PFN1: variants seen among roughly 807,000 people sequenced by gnomAD.
PFN1 encodes profilin-1.
A neutral mutation model predicts 11.7 loss-of-function variants in PFN1; 2 were observed. The ratio of observed to expected loss-of-function variants is 0.17; its 90% CI spans 0.07 to 0.54. The LOEUF (loss-of-function observed/expected upper bound fraction) is 0.54, where lower values mean the gene tolerates loss of function less well. Ranked by LOEUF, PFN1 falls within the 20% of genes least tolerant of loss-of-function variation. The pLI, the probability that PFN1 is intolerant of heterozygous loss-of-function variation, is 0.94. For missense variants in PFN1, 97 were observed against 188.4 expected (o/e 0.51, Z 2.84); for synonymous variants, 78 against 76.2 (o/e 1.02, Z -0.12).
At chr17:4,946,592 T>C in intron 2 of PFN1, 36 bp downstream of exon 2, 1 of 1,535,098 alleles carries the variant, frequency 6.5e-7, no homozygotes, top group Non-Finnish European at 8.8e-7. Context: ...ATTAGAGATC[T>C]TGGAGCTAAA....
At chr17:4,947,885 G>A (rs1230829335) in intron 1 of PFN1, among the ~76,000 whole-genome samples, 1 of 152,162 alleles carries the variant, frequency 6.6e-6, no homozygotes, top group Non-Finnish European at 1.5e-5. Flanking sequence ...ACGGGGAGCT[G>A]GGGGTCCAAG....
At position 4,945,992 on chromosome 17, in the gene PFN1, C is replaced by G; in HGVS notation, c.331G>C (p.Val111Leu). The stretch of plus-strand genomic sequence containing the variant: ...ACACCTTCTTTGCCCATCAGCAGGA[C>G]TAGCGCTGGAGGAGGAGGAAAGAGA... ...VTVTKTDKTL[V>L]LLMGKEGVHG... The change falls in exon 3 of 3, where the codon GTC (valine) becomes CTC (leucine). Residue 111 changes from valine to leucine, a missense_variant. Transcript: ENST00000225655. 2 of 1,610,992 alleles carry G rather than the reference C, an allele frequency of 1.2e-6. No individual in the cohort carries two copies. The highest frequency in any genetic ancestry group is 1.7e-6 in the Non-Finnish European group (2 of 1,177,272).
intron 1 of PFN1, 50 bp downstream of exon 1, chr17:4,948,213 T>G: frequency 9.9e-5 from 89 of 901,642 alleles, no homozygotes; most frequent in Non-Finnish European, 1.3e-4. Context: ...AGTCCCTCCC[T>G]CAGGGTCCAA....
chr17:4,947,921 A>C (rs931353445), intron 1 of PFN1, among the ~76,000 whole-genome samples: 6 of 152,258 alleles, frequency 3.9e-5, no homozygotes, highest in African/African-American at 1.4e-4. Context: ...TCTCAATCCC[A>C]ATCCCCAGTA....
intron 1 of PFN1, 136 bp from the exon 2 acceptor site, chr17:4,946,956 C>G: frequency 1.6e-6 from 1 of 624,638 alleles, no homozygotes; most frequent in Non-Finnish European, 2.7e-6. Flanking sequence ...ATACTCAGTA[C>G]ACATCAATGA....
At chr17:4,946,452 A>G (rs376591559) in intron 2 of PFN1, among the ~76,000 whole-genome samples, 176 bp downstream of exon 2, 7 of 152,238 alleles carry the variant, frequency 4.6e-5, no homozygotes, top group Non-Finnish European at 1.0e-4. Flanking sequence ...AAGATGAGGA[A>G]CTGAGACAGA....
chr17:4,948,016 C>T (rs1226876255), intron 1 of PFN1: 6 of 434,346 alleles, frequency 1.4e-5, no homozygotes, highest in Admixed American at 1.4e-4. Context: ...CCGCCCTGTG[C>T]CCCGGATGTA....
chr17:4,947,838 G>A (rs191391924), intron 1 of PFN1, among the ~76,000 whole-genome samples: 4 of 152,252 alleles, frequency 2.6e-5, no homozygotes, highest in South Asian at 2.1e-4. Flanking sequence ...TCCGCACCAG[G>A]AGAAACAATG....
At chr17:4,947,342 C>T (rs1452552274) in intron 1 of PFN1, 2 of 152,220 alleles carry the variant, frequency 1.3e-5, no homozygotes, top group Admixed American at 6.5e-5. Flanking sequence ...AGGAAGCAGA[C>T]CCCTGGGGGC....
Position 4,948,490 on chromosome 17 carries a change from G to T in PFN1, c.-96C>A, listed in dbSNP as rs771133577. 3.7e-6 allele frequency: 5 copies of T among 1,366,710 alleles called. No homozygotes were observed. The highest frequency in any genetic ancestry group is 4.8e-6 in the Non-Finnish European group (5 of 1,049,016). 84.7% of individuals were successfully genotyped at this position (1,366,710 alleles called of 1,614,324 possible). ...GCGGGCGGGGGGAGGCGGAGAGCTC[G>T]GGGCACGCGCTGCCGTCCGGACCGC... On this transcript the variant is annotated 5_prime_UTR_variant, in exon 1 of 3. Transcript: ENST00000225655.
chr17:4,946,020 G>A (rs776213636), intron 2 of PFN1, 23 bp from the exon 3 acceptor site: 5 of 1,550,232 alleles, frequency 3.2e-6, no homozygotes, highest in African/African-American at 2.7e-5. Context: ...GAAAGAGAAA[G>A]GAGGCTAGGA....
intron 2 of PFN1, among the ~76,000 whole-genome samples, chr17:4,946,212 G>A (rs1195371459): frequency 1.4e-5 from 2 of 147,082 alleles, no homozygotes; most frequent in Non-Finnish European, 3.0e-5. Flanking sequence ...GAGAGGAACA[G>A]ACTAAAAACT....
Position 4,945,955 on chromosome 17 carries a change from A to G in PFN1, c.368T>C (p.Leu123Ser). The G allele has an allele frequency of 6.2e-7, 1 of 1,613,760 alleles. No homozygotes were observed. Among genetic ancestry groups the G allele is most frequent in the African/African-American group, 1.3e-5 (1 of 75,004 alleles). The change falls in exon 3 of 3, where the codon TTG becomes TCG. Residue 123 changes from leucine to serine, a missense_variant. Transcript: ENST00000225655. ...LMGKEGVHGG[L>S]INKKCYEMAS... is the part of the protein sequence containing the mutation. ...CATTTCATAACATTTCTTGTTGATCAAACCACCGTGGACACCTTCTTTGCC... is the reference window on the plus strand; with the variant it reads ...CATTTCATAACATTTCTTGTTGATCGAACCACCGTGGACACCTTCTTTGCC...
intron 2 of PFN1, 21 bp downstream of exon 2, chr17:4,946,606 AG>A (rs370052999): frequency 6.4e-7 from 1 of 1,567,780 alleles, no homozygotes; most frequent in Non-Finnish European, 8.7e-7. Context: ...AGCTAAAGGA[AG>A]GGTAAGACTC....
In PFN1 at chr17:4,946,004, G is replaced by A. The variant is rs370983267; in HGVS notation, c.326-7C>T. The A allele has an allele frequency of 2.5e-5, 40 of 1,599,914 alleles. No individual in the cohort carries two copies. The highest frequency in any genetic ancestry group is 1.7e-4 in the Middle Eastern group (1 of 6,044). ...CCCATCAGCAGGACTAGCGCTGGAG[G>A]AGGAGGAAAGAGAAAGGAGGCTAGG... On this transcript the variant is annotated splice_region_variant and splice_polypyrimidine_tract_variant and intron_variant, in intron 2 of 2. Transcript: ENST00000225655.
At chr17:4,946,486 A>G (rs566416022) in intron 2 of PFN1, 142 bp downstream of exon 2, 15 of 644,922 alleles carry the variant, frequency 2.3e-5, no homozygotes, top group African/African-American at 1.6e-4. Context: ...CCCGTGTTCC[A>G]GCATCCAGCA....
chr17:4,946,118 GCCC>G (rs200446760), intron 2 of PFN1, 121 bp from the exon 3 acceptor site: 1 of 519,012 alleles, frequency 1.9e-6, no homozygotes, highest in East Asian at 3.4e-5. Flanking sequence ...CTCCCAACCC[GCCC>G]CCCCACCACA....
chr17:4,945,753 A>T lies in PFN1; in HGVS notation c.*147T>A. Reference sequence around the variant, plus strand: ...TATGGGTAGGGGGAGGTGTCTGTCCATCCAGCCCTGGCCCCCAGCCCATGT... The same window carrying T: ...TATGGGTAGGGGGAGGTGTCTGTCCTTCCAGCCCTGGCCCCCAGCCCATGT... On this transcript the variant is annotated 3_prime_UTR_variant, in exon 3 of 3. Coordinates refer to ENST00000225655, the MANE Select transcript of PFN1 (RefSeq NM_005022.4). The T allele has an allele frequency of 1.7e-6, 1 of 605,740 alleles. No homozygotes were observed. Among genetic ancestry groups the T allele is most frequent in the Non-Finnish European group, 3.1e-6 (1 of 326,368 alleles). 37.5% of individuals were successfully genotyped at this position (605,740 alleles called of 1,614,324 possible). A position where few individuals can be genotyped will look rare whatever the true frequency, so the allele number is the denominator to read the frequency against.
chr17:4,947,726 G>C (rs989544760), intron 1 of PFN1, among the ~76,000 whole-genome samples: 1 of 137,292 alleles, frequency 7.3e-6, no homozygotes, highest in African/African-American at 2.6e-5. Flanking sequence ...GTGCTGAGCT[G>C]GGGGGGCGTG....
Sources: allele counts gnomAD v4.1 joint callset (sites outside exome capture counted in the v4.1 genomes callset), GRCh38; gene constraint gnomAD v4.1.1; transcripts MANE v1.5; gene names NCBI Gene and HGNC (gene_info 2026-07-23, HGNC 2026-07-21).